ATF7IP2: variants seen among roughly 807,000 people sequenced by gnomAD.
The protein encoded by ATF7IP2 is activating transcription factor 7 interacting protein 2, also known as activating transcription factor 7-interacting protein 2.
In ATF7IP2, 42 loss-of-function variants were observed where a neutral mutation model predicts 64.2. That is an observed-to-expected ratio of 0.65 (90% CI 0.51 to 0.85). ATF7IP2 has a LOEUF of 0.85. ATF7IP2 is among the 40% of genes least tolerant of loss of function. The pLI is 0.00. For missense variants in ATF7IP2, 933 were observed against 784.2 expected, an observed-to-expected ratio of 1.19 and a Z score of -2.27; for synonymous variants, 308 against 272.8, an observed-to-expected ratio of 1.13 and a Z score of -1.27.
chr16:10,386,540 A>C (rs2047207860), intron 1 of ATF7IP2: 1 of 152,148 alleles, frequency 6.6e-6, no homozygotes, highest in Admixed American at 6.6e-5. Flanking sequence ...CCATTGCCAA[A>C]TTTTCTTGAG....
chr16:10,477,686 T>C (rs534016890), intron 12 of ATF7IP2, among the ~76,000 whole-genome samples: 3 of 151,324 alleles, frequency 2.0e-5, no homozygotes, highest in Non-Finnish European at 4.5e-5. Flanking sequence ...GGGTATTCAA[T>C]TAGGAAAAGA....
At chr16:10,434,583 T>C (rs1189620978) in intron 6 of ATF7IP2, among the ~76,000 whole-genome samples, 2 of 151,968 alleles carry the variant, frequency 1.3e-5, no homozygotes, top group Admixed American at 1.3e-4. Context: ...AAAGGGCGAG[T>C]CAACAGTTTT....
intron 1 of ATF7IP2, among the ~76,000 whole-genome samples, chr16:10,396,510 G>C (rs939478981): frequency 6.6e-6 from 1 of 152,012 alleles, no homozygotes; most frequent in African/African-American, 2.4e-5. Flanking sequence ...ACAGTTTTGG[G>C]TCTTACATAT....
Position 10,430,628 on chromosome 16 carries a change from G to A in ATF7IP2, c.8G>A (p.Ser3Asn). The A allele has an allele frequency of 6.2e-7, 1 of 1,608,696 alleles. No individual in the cohort carries two copies. Among genetic ancestry groups the A allele is most frequent in the Non-Finnish European group, 8.5e-7 (1 of 1,176,340 alleles). The change falls in exon 5 of 14, where the codon AGT (serine) becomes AAT (asparagine). Residue 3 changes from serine (S) to asparagine (N), a missense_variant. Coordinates refer to ENST00000562102, the MANE Select transcript of ATF7IP2 (RefSeq NM_001393719.1). MA[S>N]PDRSKRKILK... ...AATTCCAGGATATGAAAGATGGCAA[G>A]TCCAGATAGAAGTAAACGGAAGATA... is the stretch of plus-strand genomic sequence containing the variant.
intron 9 of ATF7IP2, among the ~76,000 whole-genome samples, chr16:10,462,350 A>G (rs1241572110): frequency 2.6e-5 from 4 of 151,436 alleles, no homozygotes; most frequent in African/African-American, 9.7e-5. Flanking sequence ...TTTTTTTTCC[A>G]CAAGAAGATC....
intron 8 of ATF7IP2, among the ~76,000 whole-genome samples, chr16:10,451,301 G>A (rs1040225871): frequency 6.6e-6 from 1 of 152,102 alleles, no homozygotes; most frequent in African/African-American, 2.4e-5. Context: ...TCTTAGGGTT[G>A]CTCTTCTCCA....
At chr16:10,412,089 T>G (rs2047780218) in intron 1 of ATF7IP2, among the ~76,000 whole-genome samples, 1 of 142,550 alleles carries the variant, frequency 7.0e-6, no homozygotes, top group Non-Finnish European at 1.5e-5. Flanking sequence ...GTTTGTTACA[T>G]AGGTATACAT....
chr16:10,444,205 CGAAA>C (rs1042770000), intron 8 of ATF7IP2, among the ~76,000 whole-genome samples: 1 of 152,110 alleles, frequency 6.6e-6, no homozygotes, highest in African/African-American at 2.4e-5. Flanking sequence ...GGGTAGCTAA[CGAAA>C]GAAAGAGGGA....
At chr16:10,407,387 C>T (rs928278832) in intron 1 of ATF7IP2, among the ~76,000 whole-genome samples, 3 of 151,998 alleles carry the variant, frequency 2.0e-5, no homozygotes, top group African/African-American at 4.8e-5. Flanking sequence ...CCTAGCTAGG[C>T]GAATCAGAGG....
At chr16:10,450,758 C>T (rs1454782375) in intron 8 of ATF7IP2, among the ~76,000 whole-genome samples, 1 of 152,096 alleles carries the variant, frequency 6.6e-6, no homozygotes, top group Non-Finnish European at 1.5e-5. Context: ...TGGGTCTTGA[C>T]TCTTTATCCA....
chr16:10,473,921 A>G lies in ATF7IP2; in HGVS notation c.1483-2A>G. 2 of 1,160,108 alleles carry G rather than the reference A, an allele frequency of 1.7e-6. No individual in the cohort carries two copies. The highest frequency in any genetic ancestry group is 1.8e-5 in the South Asian group (1 of 56,932). 71.9% of individuals were successfully genotyped at this position (1,160,108 alleles called of 1,614,324 possible). A position where few individuals can be genotyped will look rare whatever the true frequency, so the allele number is the denominator to read the frequency against. On this transcript the variant is annotated splice_acceptor_variant, in intron 11 of 13. Coordinates refer to ENST00000562102, the MANE Select transcript of ATF7IP2 (RefSeq NM_001393719.1). LOFTEE classifies it high-confidence loss of function. ...TTTTTTTTTTTTTTACAATTTTTTT[A>G]GGCTGTACAGAAGAAACTTGATTCT...
intron 4 of ATF7IP2, among the ~76,000 whole-genome samples, chr16:10,429,729 T>TA (rs2048179978): frequency 9.2e-6 from 1 of 108,708 alleles, no homozygotes; most frequent in South Asian, 3.1e-4. Context: ...TATTTTATTT[T>TA]ATTTATTTTA....
At chr16:10,474,509 G>A (rs772475377) in intron 12 of ATF7IP2, among the ~76,000 whole-genome samples, 1 of 152,088 alleles carries the variant, frequency 6.6e-6, no homozygotes, top group Non-Finnish European at 1.5e-5. Context: ...CTAAGAGGAC[G>A]CACAGAGAAA....
intron 5 of ATF7IP2, among the ~76,000 whole-genome samples, chr16:10,431,966 G>T (rs2048273539): frequency 6.7e-6 from 1 of 150,048 alleles, no homozygotes; most frequent in African/African-American, 2.5e-5. Context: ...TGGGATTACA[G>T]ATGGGCACCA....
At chr16:10,398,178 C>T (rs1238036581) in intron 1 of ATF7IP2, among the ~76,000 whole-genome samples, 2 of 151,906 alleles carry the variant, frequency 1.3e-5, no homozygotes, top group African/African-American at 2.4e-5. Context: ...GTGGTGGACA[C>T]CTGTAATCCC....
chr16:10,473,614 G>T (rs1428134618), intron 11 of ATF7IP2, 80 bp downstream of exon 11: 15 of 1,053,738 alleles, frequency 1.4e-5, no homozygotes, highest in Middle Eastern at 2.1e-4. Flanking sequence ...CTACATGTTG[G>T]ATGATTTAGT....
At chr16:10,405,295 A>G (rs1177442361) in intron 1 of ATF7IP2, among the ~76,000 whole-genome samples, 1 of 152,014 alleles carries the variant, frequency 6.6e-6, no homozygotes, top group African/African-American at 2.4e-5. Flanking sequence ...GCTTGAACCC[A>G]GGAGGCGGAG....
intron 6 of ATF7IP2, among the ~76,000 whole-genome samples, chr16:10,433,936 T>C (rs1272213685): frequency 2.0e-5 from 3 of 152,218 alleles, no homozygotes; most frequent in Non-Finnish European, 4.4e-5. Flanking sequence ...TACACTCATA[T>C]TTGTCTGTAA....
At chr16:10,426,041 C>T (rs1674136178) in intron 3 of ATF7IP2, among the ~76,000 whole-genome samples, 1 of 152,096 alleles carries the variant, frequency 6.6e-6, no homozygotes, top group Admixed American at 6.5e-5. Context: ...AATTATGCAT[C>T]TGAGGGAAAA....
Sources: gnomAD v4.1 joint callset for allele counts (sites outside exome capture counted in the v4.1 genomes callset) on GRCh38, gnomAD v4.1.1 for gene constraint, MANE v1.5 for transcripts, NCBI Gene and HGNC (gene_info 2026-07-23, HGNC 2026-07-21) for gene names.